UGT1A8: variants seen among roughly 807,000 people sequenced by gnomAD.
UGT1A8 encodes the protein UDP glucuronosyltransferase family 1 member A8, also known as UDP-glucuronosyltransferase 1A8.
A neutral mutation model predicts 45.3 loss-of-function variants in UGT1A8; 39 were observed. That is an observed-to-expected ratio of 0.86 (90% CI 0.67 to 1.12). UGT1A8 has a LOEUF of 1.12. Among genes scored for constraint, UGT1A8 ranks in the 50% most tolerant of loss-of-function variants. UGT1A8 has a pLI of 0.00. For missense variants in UGT1A8, 719 were observed against 664.9 expected (o/e 1.08, Z -0.90); for synonymous variants, 275 against 249.2 (o/e 1.10, Z -0.97).
intron 1 of UGT1A8, among the ~76,000 whole-genome samples, chr2:233,703,347 G>A (rs1484527518): frequency 6.6e-6 from 1 of 151,270 alleles, no homozygotes; most frequent in Admixed American, 6.6e-5. Flanking sequence ...TTTTTTCTTT[G>A]TTAATCTAAC....
intron 1 of UGT1A8, among the ~76,000 whole-genome samples, chr2:233,726,331 C>A (rs898548496): frequency 2.0e-5 from 3 of 152,168 alleles, no homozygotes; most frequent in Non-Finnish European, 4.4e-5. Flanking sequence ...GTTTCAGCAC[C>A]TGTGGTTTTT....
intron 1 of UGT1A8, among the ~76,000 whole-genome samples, chr2:233,731,936 T>G (rs924975357): frequency 2.0e-5 from 3 of 152,218 alleles, no homozygotes; most frequent in African/African-American, 7.2e-5. Context: ...CCACATCCTC[T>G]CCAACATCTG....
chr2:233,744,810 C>A (rs79404275), intron 1 of UGT1A8, among the ~76,000 whole-genome samples: 3 of 151,852 alleles, frequency 2.0e-5, no homozygotes, highest in African/African-American at 7.3e-5. Context: ...CTAGGATTTC[C>A]TGGCTCATAC....
At chr2:233,719,573 T>C (rs2076782711) in intron 1 of UGT1A8, 3 of 1,613,994 alleles carry the variant, frequency 1.9e-6, no homozygotes, top group Non-Finnish European at 2.5e-6. Context: ...TTGTCAGCTA[T>C]GCATCCGTGT....
At chr2:233,734,961 G>T (rs2078591485) in intron 1 of UGT1A8, among the ~76,000 whole-genome samples, 1 of 152,202 alleles carries the variant, frequency 6.6e-6, no homozygotes, top group South Asian at 2.1e-4. Flanking sequence ...GAATAAGTGT[G>T]ATGTGGTGCT....
intron 1 of UGT1A8, chr2:233,637,322 C>T (rs1360167804): frequency 6.2e-7 from 1 of 1,613,880 alleles, no homozygotes; most frequent in Non-Finnish European, 8.5e-7. Flanking sequence ...CCCGTGATGC[C>T]CAACATGATC....
chr2:233,640,550 G>T (rs1220658002), intron 1 of UGT1A8, among the ~76,000 whole-genome samples: 2 of 152,120 alleles, frequency 1.3e-5, no homozygotes. Flanking sequence ...ATGGAACAGA[G>T]AATTCAGAAA....
intron 1 of UGT1A8, chr2:233,672,003 C>A (rs138685396): frequency 6.2e-7 from 1 of 1,613,946 alleles, no homozygotes; most frequent in Non-Finnish European, 8.5e-7. Flanking sequence ...GTGGCTTTGC[C>A]GAGGCAGGGA....
At chr2:233,661,241 C>T (rs2073958348) in intron 1 of UGT1A8, among the ~76,000 whole-genome samples, 1 of 151,540 alleles carries the variant, frequency 6.6e-6, no homozygotes, top group Non-Finnish European at 1.5e-5. Flanking sequence ...TACTTTTGGT[C>T]TTGAATTTGT....
chr2:233,713,755 G>A (rs1032463751), intron 1 of UGT1A8: 1 of 1,613,844 alleles, frequency 6.2e-7, no homozygotes, highest in Non-Finnish European at 8.5e-7. Context: ...GCATCTGTGT[G>A]GCTGTTCCGA....
At chr2:233,663,023 C>T (rs1443231793) in intron 1 of UGT1A8, among the ~76,000 whole-genome samples, 1 of 152,102 alleles carries the variant, frequency 6.6e-6, no homozygotes, top group East Asian at 1.9e-4. Context: ...TTTAGGTGCA[C>T]AGTTCAGTAT....
At chr2:233,654,629 C>A (rs545202576) in intron 1 of UGT1A8, among the ~76,000 whole-genome samples, 22 of 152,190 alleles carry the variant, frequency 1.4e-4, no homozygotes, top group Non-Finnish European at 2.8e-4. Context: ...TGCAAAACTA[C>A]TGATGATTGC....
At chr2:233,766,081 A>G (rs913982065) in intron 1 of UGT1A8, among the ~76,000 whole-genome samples, 2 of 152,278 alleles carry the variant, frequency 1.3e-5, no homozygotes, top group Admixed American at 6.5e-5. Context: ...ACCTTGTCGC[A>G]AGGACAGAGG....
At chr2:233,620,685 T>C (rs1408230982) in intron 1 of UGT1A8, among the ~76,000 whole-genome samples, 1 of 152,228 alleles carries the variant, frequency 6.6e-6, no homozygotes, top group Non-Finnish European at 1.5e-5. Context: ...TATGATTATA[T>C]GCATAAAGCC....
intron 1 of UGT1A8, among the ~76,000 whole-genome samples, chr2:233,661,623 T>TTTTCTTTCTTTCTTTTCTTTTCTTTC: frequency 8.1e-6 from 1 of 123,952 alleles, no homozygotes; most frequent in Non-Finnish European, 1.7e-5. Flanking sequence ...ACTTACTGAA[T>TTTTCTTTCTTTCTTTTCTTTTCTTTC]TTTCTTTCTT....
rs886183040 is a variant in UGT1A8, at chr2:233,769,751, A to C, written c.1295+1312A>C. 1.1e-5 allele frequency: 16 copies of C among 1,422,712 alleles called. No homozygotes were observed. Among genetic ancestry groups the C allele is most frequent in the Non-Finnish European group, 1.5e-5 (16 of 1,085,126 alleles). 88.1% of individuals were successfully genotyped at this position (1,422,712 alleles called of 1,614,324 possible). A position where few individuals can be genotyped will look rare whatever the true frequency, so the allele number is the denominator to read the frequency against. On this transcript the variant is annotated intron_variant, in intron 4 of 4. Transcript: ENST00000373450. This position sits in a 1 kb window ranked among gnomAD's most constrained non-coding sequence, Gnocchi z 4.4. Reference sequence around the variant, plus strand: ...ACGCCTGTAGTCCCAGCCACTCTGGAGGCTAAGGCGGGAGGATTGCTTGAG... The same window carrying C: ...ACGCCTGTAGTCCCAGCCACTCTGGCGGCTAAGGCGGGAGGATTGCTTGAG...
intron 1 of UGT1A8, among the ~76,000 whole-genome samples, chr2:233,734,449 A>ATTTTCTTGATC (rs200649315): frequency 0.065 from 9,832 of 151,068 alleles, 532 homozygotes; most frequent in African/African-American, 0.16. Context: ...AGGTCTATCA[A>ATTTTCTTGATC]TTTTCAAAAT....
intron 1 of UGT1A8, chr2:233,740,907 T>C (rs1395236903): frequency 3.6e-5 from 5 of 140,068 alleles, no homozygotes; most frequent in South Asian, 4.8e-4. Context: ...AGGTCAACAT[T>C]GTTCCCATCT....
Position 233,767,048 on chromosome 2 carries a change from C to T in UGT1A8, c.870C>T (p.Tyr290=), listed in dbSNP as rs1206098754. Residue 290 remains tyrosine (Y), a synonymous_variant, in exon 2 of 5, where the codon TAC becomes TAT. Transcript: ENST00000373450. ...TCTGGCTCTAGGAATTTGAAGCCTACATTAATGCTTCTGGAGAACATGGAA... is the reference window on the plus strand; with the variant it reads ...TCTGGCTCTAGGAATTTGAAGCCTATATTAATGCTTCTGGAGAACATGGAA... ...GKPLPMEFEA[Y]INASGEHGIV... 1.9e-6 allele frequency: 3 copies of T among 1,614,068 alleles called. No homozygotes were observed. Among genetic ancestry groups the T allele is most frequent in the Admixed American group, 3.3e-5 (2 of 60,010 alleles).
Sources: allele counts gnomAD v4.1 joint callset (sites outside exome capture counted in the v4.1 genomes callset), GRCh38; gene constraint gnomAD v4.1.1; non-coding constraint Gnocchi (gnomAD v3.1); transcripts MANE v1.5; gene names NCBI Gene and HGNC (gene_info 2026-07-23, HGNC 2026-07-21).